The following CDC14A variants were observed in gnomAD, a reference collection of about 807,000 sequenced individuals.
The protein encoded by CDC14A is cell division cycle 14A, also known as dual specificity protein phosphatase CDC14A.
Under a neutral mutation model 74.4 loss-of-function variants are expected in CDC14A, and 53 were observed. The ratio of observed to expected loss-of-function variants is 0.71; its 90% confidence interval spans 0.57 to 0.89. CDC14A has a LOEUF of 0.89. Among genes scored for constraint, CDC14A ranks in the 40% least tolerant of loss-of-function variants. The pLI is 0.00. For missense variants in CDC14A, 646 were observed against 713.7 expected (o/e 0.91, Z 1.08); for synonymous variants, 247 against 258.4 (o/e 0.96, Z 0.43).
In CDC14A at chr1:100,481,133, C is replaced by T. The variant is rs1669428417; in HGVS notation, c.978-3159C>T. ...TTTAGGCCAGGAACTGTCTCTGTTT[C>T]CATAATAGCTCTGGGCTGGTGGAAT... On this transcript the variant is annotated intron_variant, in intron 10 of 15. Transcript: ENST00000336454. The T allele has an allele frequency of 1.3e-5, 2 of 152,254 alleles. 1 individual carries two copies. The highest frequency in any genetic ancestry group is 4.1e-4 in the South Asian group (2 of 4,834). The allele number at this position is 152,254 out of a possible 1,614,324, so 9.4% of individuals were successfully genotyped here.
chr1:100,390,846 ATTTTC>A, intron 4 of CDC14A, 22 bp downstream of exon 4: 7 of 1,532,404 alleles, frequency 4.6e-6, no homozygotes, highest in Non-Finnish European at 6.3e-6. Context: ...CTTCATGATT[ATTTTC>A]TATAATCAGG....
chr1:100,502,888 T>G (rs1250784710), intron 15 of CDC14A, among the ~76,000 whole-genome samples: 1 of 152,242 alleles, frequency 6.6e-6, no homozygotes, highest in Non-Finnish European at 1.5e-5. Flanking sequence ...TAATAGTCTG[T>G]GTGGGCAGTT....
At chr1:100,492,424 C>G (rs1021116040) in intron 11 of CDC14A, among the ~76,000 whole-genome samples, 3 of 152,108 alleles carry the variant, frequency 2.0e-5, no homozygotes, top group African/African-American at 7.2e-5. Context: ...AAATACTTTG[C>G]TTATGTTGCT....
intron 4 of CDC14A, among the ~76,000 whole-genome samples, chr1:100,410,983 C>T (rs1660618093): frequency 6.6e-6 from 1 of 152,158 alleles, no homozygotes; most frequent in South Asian, 2.1e-4. Context: ...ATAATTTCTC[C>T]TCTGAAGAAC....
At chr1:100,389,318 C>T (rs1657342660) in intron 3 of CDC14A, among the ~76,000 whole-genome samples, 1 of 150,674 alleles carries the variant, frequency 6.6e-6, no homozygotes, top group Non-Finnish European at 1.5e-5. Context: ...ATTAGCCGGG[C>T]GTGGTTGTGG....
chr1:100,377,665 G>C, intron 3 of CDC14A, 44 bp downstream of exon 3: 2 of 1,438,220 alleles, frequency 1.4e-6, no homozygotes, highest in South Asian at 2.3e-5. Context: ...TAAAACATTT[G>C]AACCATAGGA....
intron 11 of CDC14A, among the ~76,000 whole-genome samples, chr1:100,487,572 G>GA (rs3081857): frequency 1.8e-3 from 269 of 151,086 alleles, no homozygotes; most frequent in East Asian, 4.3e-3. Context: ...AAACAAAACA[G>GA]AACAAAACAA....
intron 1 of CDC14A, among the ~76,000 whole-genome samples, chr1:100,346,189 A>C (rs543301332): frequency 2.0e-5 from 3 of 152,202 alleles, no homozygotes; most frequent in African/African-American, 7.2e-5. Flanking sequence ...AAACAAAACA[A>C]AACAAAACAA....
intron 9 of CDC14A, among the ~76,000 whole-genome samples, chr1:100,465,982 T>C (rs979533882): frequency 2.0e-5 from 3 of 152,238 alleles, no homozygotes; most frequent in Non-Finnish European, 2.9e-5. Context: ...AGAAACTTAG[T>C]GAAATGTTCC....
intron 8 of CDC14A, among the ~76,000 whole-genome samples, chr1:100,459,124 C>CAGAGAGAGAGAGAGAGAGAGAGAG (rs1212963314): frequency 6.8e-6 from 1 of 146,958 alleles, no homozygotes; most frequent in African/African-American, 2.5e-5. Flanking sequence ...CACACACACA[C>CAGAGAGAGAGAGAGAGAGAGAGAG]ACAGAGAGAG....
chr1:100,362,995 G>T, intron 2 of CDC14A: 1 of 152,390 alleles, frequency 6.6e-6, no homozygotes, highest in Non-Finnish European at 1.5e-5. Flanking sequence ...ACCGCAACAG[G>T]TTTTATAGTC....
chr1:100,416,640 G>A (rs1036460306), intron 4 of CDC14A, among the ~76,000 whole-genome samples: 10 of 152,074 alleles, frequency 6.6e-5, no homozygotes, highest in African/African-American at 2.4e-4. Context: ...AATAATAACA[G>A]TGTGGGTCCA....
intron 4 of CDC14A, among the ~76,000 whole-genome samples, chr1:100,414,890 G>C (rs1215811492): frequency 6.6e-6 from 1 of 152,126 alleles, no homozygotes; most frequent in Non-Finnish European, 1.5e-5. Context: ...TTAGGTTTCT[G>C]TGTGTTAAGA....
At chr1:100,464,035 G>A (rs532788862) in intron 9 of CDC14A, among the ~76,000 whole-genome samples, 176 of 152,320 alleles carry the variant, frequency 1.2e-3, no homozygotes, top group African/African-American at 4.0e-3. Context: ...ATTCAGACGA[G>A]TATGGCTTTG....
chr1:100,482,836 A>T (rs375720860), intron 10 of CDC14A, among the ~76,000 whole-genome samples: 72 of 151,792 alleles, frequency 4.7e-4, no homozygotes, highest in Non-Finnish European at 8.8e-4. Context: ...CTATATATAT[A>T]TTTTTTTATA....
At chr1:100,490,136 C>A (rs1489635581) in intron 11 of CDC14A, among the ~76,000 whole-genome samples, 1 of 152,164 alleles carries the variant, frequency 6.6e-6, no homozygotes, top group Non-Finnish European at 1.5e-5. Context: ...AAACATTTTC[C>A]TCCCACAGGC....
At chr1:100,375,279 C>T (rs1479160934) in intron 2 of CDC14A, among the ~76,000 whole-genome samples, 1 of 152,166 alleles carries the variant, frequency 6.6e-6, no homozygotes, top group Non-Finnish European at 1.5e-5. Flanking sequence ...ATGCAGATTT[C>T]CTATGGGACC....
At chr1:100,471,023 C>A (rs1423705970) in intron 10 of CDC14A, among the ~76,000 whole-genome samples, 1 of 152,072 alleles carries the variant, frequency 6.6e-6, no homozygotes, top group African/African-American at 2.4e-5. Context: ...TAGAAATCAT[C>A]CAAATGTCCG....
intron 3 of CDC14A, among the ~76,000 whole-genome samples, chr1:100,390,325 A>T (rs1341315002): frequency 6.6e-6 from 1 of 152,220 alleles, no homozygotes; most frequent in East Asian, 1.9e-4. Flanking sequence ...TTGACATTTT[A>T]AAAAATTGTG....
Sources: allele counts gnomAD v4.1 joint callset (sites outside exome capture counted in the v4.1 genomes callset), GRCh38; gene constraint gnomAD v4.1.1; transcripts MANE v1.5; gene names NCBI Gene and HGNC (gene_info 2026-07-23, HGNC 2026-07-21).